TRIO: variants seen among roughly 807,000 people sequenced by gnomAD.
TRIO encodes the protein triple functional domain protein.
In TRIO, 58 loss-of-function variants were observed where a neutral mutation model predicts 351.9. That is an observed-to-expected ratio of 0.16 (90% confidence interval 0.13 to 0.21). The LOEUF (loss-of-function observed/expected upper bound fraction) is 0.21. Among genes scored for constraint, TRIO ranks in the 10% least tolerant of loss-of-function variants. The pLI, the probability that TRIO is intolerant of heterozygous loss-of-function variation, is 1.00. For missense variants in TRIO, 3,201 were observed against 4,027.8 expected, an observed-to-expected ratio of 0.79 and a Z score of 5.56; for synonymous variants, 1,758 against 1,595.7, an observed-to-expected ratio of 1.10 and a Z score of -2.42.
At position 14,507,952 on chromosome 5, in the gene TRIO, C is replaced by A; in HGVS notation, c.8824C>A (p.Gln2942Lys). 6.2e-7 allele frequency: 1 copy of A among 1,614,184 alleles called. No homozygotes were observed. Among genetic ancestry groups the A allele is most frequent in the Non-Finnish European group, 8.5e-7 (1 of 1,180,042 alleles). ...ACTGGCTGACTTTGGAGATGCTGTT[C>A]AGCTCAACACGACCTACTACATCCA... is the stretch of plus-strand genomic sequence containing the variant. ...IKLADFGDAV[Q>K]LNTTYYIHQL... The change falls in exon 57 of 57, where the codon CAG (glutamine) becomes AAG (lysine). Residue 2942 changes from glutamine to lysine, a missense_variant. Around this residue, in one of 19 missense-constraint regions of TRIO, gnomAD observed 233 missense variants for 292.6 expected, o/e 0.80. Coordinates refer to ENST00000344204, the MANE Select transcript of TRIO (RefSeq NM_007118.4).
chr5:14,394,955 T>C (rs1345242557), intron 28 of TRIO, among the ~76,000 whole-genome samples: 1 of 152,232 alleles, frequency 6.6e-6, no homozygotes, highest in African/African-American at 2.4e-5. Context: ...GTGAATGTTA[T>C]TAAGCATTAA....
intron 11 of TRIO, among the ~76,000 whole-genome samples, chr5:14,353,805 C>T (rs1743360912): frequency 6.6e-6 from 1 of 152,220 alleles, no homozygotes; most frequent in Admixed American, 6.5e-5. Flanking sequence ...TAGGCTGTTG[C>T]AGTGGAGTTG....
intron 1 of TRIO, among the ~76,000 whole-genome samples, chr5:14,252,757 C>T (rs892256892): frequency 1.3e-5 from 2 of 152,166 alleles, no homozygotes; most frequent in Non-Finnish European, 2.9e-5. Flanking sequence ...GCAGCCTGGC[C>T]CCGAGCCTTC....
chr5:14,330,551 T>C (rs140091256), intron 9 of TRIO, among the ~76,000 whole-genome samples: 2 of 152,342 alleles, frequency 1.3e-5, no homozygotes, highest in East Asian at 1.9e-4. Context: ...CCACTTTTAA[T>C]GTAAGAGATG....
intron 1 of TRIO, among the ~76,000 whole-genome samples, chr5:14,149,824 CAG>C (rs375261679): frequency 9.2e-5 from 14 of 152,340 alleles, no homozygotes; most frequent in African/African-American, 3.4e-4. Context: ...GTTACACTGA[CAG>C]AGAAAGCTTT....
At chr5:14,239,191 T>G (rs1793978124) in intron 1 of TRIO, among the ~76,000 whole-genome samples, 1 of 152,318 alleles carries the variant, frequency 6.6e-6, no homozygotes. Context: ...TATTCTGACC[T>G]GTTATGCTAA....
rs566322247 is a variant in TRIO, at chr5:14,153,167, A to G, written c.157+9285A>G. ...ACAGATTTTCGGTGATAACCTGCAG[A>G]GTGGACGATGGAGGCTTTGGAAAGT... On this transcript the variant is annotated intron_variant, in intron 1 of 56. Transcript: ENST00000344204. Among the ~76,000 whole-genome samples, 8 of 152,338 alleles carry G rather than the reference A, an allele frequency of 5.3e-5. No homozygotes were observed. The South Asian group carries it at 1.4e-3, about 28-fold the overall frequency.
intron 1 of TRIO, among the ~76,000 whole-genome samples, chr5:14,213,204 T>G (rs966949851): frequency 2.6e-5 from 4 of 152,048 alleles, no homozygotes; most frequent in Non-Finnish European, 4.4e-5. Context: ...AAAGTACAAT[T>G]TTTTTCCTGC....
At chr5:14,379,010 C>G (rs1579478254) in intron 20 of TRIO, among the ~76,000 whole-genome samples, 1 of 152,158 alleles carries the variant, frequency 6.6e-6, no homozygotes, top group South Asian at 2.1e-4. Context: ...AAAAATCTGA[C>G]CCCGTCTTAA....
intron 36 of TRIO, among the ~76,000 whole-genome samples, chr5:14,464,811 C>A (rs922363862): frequency 3.3e-5 from 5 of 152,118 alleles, no homozygotes; most frequent in African/African-American, 1.2e-4. Flanking sequence ...AGTTAATTAA[C>A]GGCTCAAGTA....
chr5:14,395,218 G>T (rs1326489048), intron 28 of TRIO, among the ~76,000 whole-genome samples: 1 of 152,174 alleles, frequency 6.6e-6, no homozygotes, highest in Admixed American at 6.5e-5. Context: ...AATTGGAAAA[G>T]CTCTCCTGTA....
Position 14,316,566 on chromosome 5 carries a change from C to G in TRIO, c.1554C>G (p.Pro518=). The G allele has an allele frequency of 6.2e-7, 1 of 1,614,186 alleles. No individual in the cohort carries two copies. Among genetic ancestry groups the G allele is most frequent in the Non-Finnish European group, 8.5e-7 (1 of 1,180,030 alleles). ...LLDKLQRPLT[P]GSSDSLTASA... Reference sequence around the variant, plus strand: ...ACAAGCTCCAGCGGCCCTTGACTCCCGGCAGCTCCGATTCCCTGACAGCCT... The same window carrying G: ...ACAAGCTCCAGCGGCCCTTGACTCCGGGCAGCTCCGATTCCCTGACAGCCT... Residue 518 remains proline, a synonymous_variant, in exon 9 of 57, where the codon CCC becomes CCG. Coordinates refer to ENST00000344204, the MANE Select transcript of TRIO (RefSeq NM_007118.4).
At chr5:14,437,588 T>A (rs965987468) in intron 34 of TRIO, among the ~76,000 whole-genome samples, 1 of 151,734 alleles carries the variant, frequency 6.6e-6, no homozygotes, top group Non-Finnish European at 1.5e-5. Flanking sequence ...TCCTGAGGCC[T>A]CTCTTCTTGG....
chr5:14,387,278 G>A (rs72748234), intron 21 of TRIO, 160 bp from the exon 22 acceptor site: 4 of 602,534 alleles, frequency 6.6e-6, no homozygotes, highest in African/African-American at 3.7e-5. Context: ...TCAGGAATCC[G>A]GGAGATGGAG....
chr5:14,234,586 A>T (rs1489690653), intron 1 of TRIO, among the ~76,000 whole-genome samples: 2 of 152,226 alleles, frequency 1.3e-5, no homozygotes, highest in South Asian at 2.1e-4. Context: ...AAGCAATATT[A>T]AAAAATTCAT....
intron 4 of TRIO, among the ~76,000 whole-genome samples, chr5:14,287,546 G>A (rs1368098742): frequency 6.6e-6 from 1 of 152,172 alleles, no homozygotes; most frequent in South Asian, 2.1e-4. Flanking sequence ...TGGAGATAGT[G>A]TGTTAAAAAC....
chr5:14,345,872 C>G (rs1162162244), intron 11 of TRIO, among the ~76,000 whole-genome samples: 1 of 152,172 alleles, frequency 6.6e-6, no homozygotes, highest in African/African-American at 2.4e-5. Flanking sequence ...TTTTAAAGGG[C>G]ATTTTATGAT....
rs369948229 is a variant in TRIO at position 14,280,847 on chromosome 5, C to T, written c.347+411C>T. ...AAAAATAGTCTGTTGATATGTAGCA[C>T]GAAGTTTGTGGGGCATTAAAAATCC... On this transcript the variant is annotated intron_variant, in intron 3 of 56. Transcript: ENST00000344204. 5.9e-5 allele frequency among the ~76,000 whole-genome samples: 9 copies of T among 152,208 alleles called. No individual in the cohort carries two copies. In the South Asian group the frequency reaches 6.2e-4, roughly 11 times the overall value.
Position 14,248,169 on chromosome 5 carries a change from A to G in TRIO, c.158-22656A>G, listed in dbSNP as rs1035595677. ...TTCAATGGGTCTTGTACCTCATGGT[A>G]TATTAGGAAATCATAGAGTTAGAAC... On this transcript the variant is annotated intron_variant, in intron 1 of 56. Coordinates refer to ENST00000344204, the MANE Select transcript of TRIO (RefSeq NM_007118.4). Among the ~76,000 whole-genome samples the G allele has an allele frequency of 3.3e-5, 5 of 152,094 alleles. No individual in the cohort carries two copies. The East Asian group carries it at 7.7e-4, about 23-fold the overall frequency.
Sources: gnomAD v4.1 joint callset for allele counts (sites outside exome capture counted in the v4.1 genomes callset) on GRCh38, gnomAD v4.1.1 for gene constraint, gnomAD v4.1.1 regional missense constraint, MANE v1.5 for transcripts, NCBI Gene and HGNC (gene_info 2026-07-23, HGNC 2026-07-21) for gene names.